The following PRR11 variants were observed in gnomAD, a reference collection of about 807,000 sequenced individuals.
PRR11 encodes proline-rich protein 11.
PRR11 carries 30 observed loss-of-function variants against 45.6 expected under a neutral mutation model. The observed-to-expected ratio is 0.66, with a 90% CI of 0.49 to 0.89. PRR11 has a LOEUF of 0.89. PRR11 is among the 40% of genes least tolerant of loss of function. The probability of loss-of-function intolerance (pLI) is 0.00; values close to 1 mark genes in which losing one functional copy is unlikely to be tolerated. For synonymous variants in PRR11, 128 were observed against 153.5 expected, an observed-to-expected ratio of 0.83 and a Z score of 1.23; for missense variants, 373 against 424.8, an observed-to-expected ratio of 0.88 and a Z score of 1.07.
At chr17:59,164,576 C>G (rs910864680) in intron 1 of PRR11, among the ~76,000 whole-genome samples, 1 of 152,024 alleles carries the variant, frequency 6.6e-6, no homozygotes, top group Non-Finnish European at 1.5e-5. Context: ...TAGGAAATTT[C>G]GGATTCTAGG....
At chr17:59,157,678 G>A (rs1362162640) in intron 1 of PRR11, among the ~76,000 whole-genome samples, 2 of 151,846 alleles carry the variant, frequency 1.3e-5, no homozygotes, top group African/African-American at 4.8e-5. Flanking sequence ...CTCCAGCCCG[G>A]GTGACAGAGC....
intron 1 of PRR11, among the ~76,000 whole-genome samples, chr17:59,159,117 G>T (rs1174656733): frequency 6.6e-6 from 1 of 152,098 alleles, no homozygotes; most frequent in Non-Finnish European, 1.5e-5. Flanking sequence ...ACCGCACCCA[G>T]CCTCCCACAC....
chr17:59,163,314 C>CTCAG (rs891573975), intron 1 of PRR11, among the ~76,000 whole-genome samples: 37 of 152,110 alleles, frequency 2.4e-4, no homozygotes, highest in Non-Finnish European at 4.7e-4. Context: ...AACTCGGGAC[C>CTCAG]TCAGGTGATC....
chr17:59,205,067 G>T lies in PRR11; in HGVS notation c.*3436G>T, dbSNP rs1390189982. Among the ~76,000 whole-genome samples the T allele has an allele frequency of 2.0e-5, 3 of 151,100 alleles. No individual in the cohort carries two copies. The highest frequency in any genetic ancestry group is 7.3e-5 in the African/African-American group (3 of 41,134). The stretch of plus-strand genomic sequence containing the variant: ...AAAAAATGCTTTGCTACATAATGAG[G>T]CCAGGCAAAAAAAAAAAAGTCCTGT... On this transcript the variant is annotated 3_prime_UTR_variant, in exon 10 of 10. Transcript: ENST00000262293.
At chr17:59,179,633 T>C (rs2046769705) in intron 2 of PRR11, 20 of 1,513,170 alleles carry the variant, frequency 1.3e-5, no homozygotes, top group Admixed American at 1.7e-5. Context: ...AGGTGCTCTC[T>C]GGGGTGTCCT....
chr17:59,201,783 C>A lies in PRR11; in HGVS notation c.*152C>A. On this transcript the variant is annotated 3_prime_UTR_variant, in exon 10 of 10. Coordinates refer to ENST00000262293, the MANE Select transcript of PRR11 (RefSeq NM_018304.4). ...GTCAGGAGTTTGAGACCAGCCTGGC[C>A]AACATGGTGAAACTCCTTCCCCACT... 1 of 708,928 alleles carries A rather than the reference C, an allele frequency of 1.4e-6. No individual in the cohort carries two copies. The highest frequency in any genetic ancestry group is 1.6e-5 in the South Asian group (1 of 62,598). The allele number at this position is 708,928 out of a possible 1,614,324, so 43.9% of individuals were successfully genotyped here.
chr17:59,184,227 C>A (rs956164164), intron 2 of PRR11, among the ~76,000 whole-genome samples: 1 of 152,090 alleles, frequency 6.6e-6, no homozygotes, highest in Non-Finnish European at 1.5e-5. Context: ...TTTGGGAGGC[C>A]AAAGGAAGTG....
intron 2 of PRR11, among the ~76,000 whole-genome samples, chr17:59,182,438 CTG>C (rs945764574): frequency 4.9e-5 from 7 of 142,052 alleles, no homozygotes; most frequent in Non-Finnish European, 9.0e-5. Context: ...CTCACCCAGA[CTG>C]GAGTGCGGTA....
chr17:59,158,382 C>G lies in PRR11; in HGVS notation c.-6+2577C>G, dbSNP rs1360500054. 2.6e-5 allele frequency among the ~76,000 whole-genome samples: 4 copies of G among 152,156 alleles called. No individual in the cohort carries two copies. In the East Asian group the frequency reaches 7.7e-4, roughly 29 times the overall value. On this transcript the variant is annotated intron_variant, in intron 1 of 9. Transcript: ENST00000262293. ...ACAATTGGGGCAATCCGAATATGGGCTGTTTATTAGATCATTTCATAACAA... is the reference window on the plus strand; with the variant it reads ...ACAATTGGGGCAATCCGAATATGGGGTGTTTATTAGATCATTTCATAACAA...
At chr17:59,161,260 A>G (rs894333427) in intron 1 of PRR11, among the ~76,000 whole-genome samples, 2 of 152,076 alleles carry the variant, frequency 1.3e-5, no homozygotes, top group African/African-American at 4.8e-5. Context: ...TACAAAAATT[A>G]GCTGGGCGTG....
At chr17:59,164,192 G>T (rs927045089) in intron 1 of PRR11, among the ~76,000 whole-genome samples, 5 of 152,316 alleles carry the variant, frequency 3.3e-5, no homozygotes, top group African/African-American at 1.2e-4. Context: ...TGGCAGGGTT[G>T]AGCAGTTGCA....
At chr17:59,166,360 C>T (rs546924664) in intron 1 of PRR11, among the ~76,000 whole-genome samples, 1 of 152,290 alleles carries the variant, frequency 6.6e-6, no homozygotes, top group South Asian at 2.1e-4. Context: ...GTAGCAACAA[C>T]TAAAAGCAGC....
At chr17:59,185,696 GTT>G in intron 4 of PRR11, 134 bp downstream of exon 4, 1 of 796,056 alleles carries the variant, frequency 1.3e-6, no homozygotes, top group South Asian at 1.9e-5. Context: ...AGTTTTCTTT[GTT>G]AGCAAGGAAT....
intron 2 of PRR11, among the ~76,000 whole-genome samples, chr17:59,171,003 T>C (rs1165324061): frequency 6.6e-6 from 1 of 152,140 alleles, no homozygotes; most frequent in East Asian, 1.9e-4. Flanking sequence ...CTCATGCCCG[T>C]AATCCTAGCA....
chr17:59,185,496 T>C lies in PRR11; in HGVS notation c.336T>C (p.Leu112=). The change falls in exon 4 of 10, where the codon CTT becomes CTC. Residue 112 remains leucine, a synonymous_variant. Coordinates refer to ENST00000262293, the MANE Select transcript of PRR11 (RefSeq NM_018304.4). Reference sequence around the variant, plus strand: ...CATCTCGTATCTGCCACCGAGAACTTTACAGTGTAAAACAACAGTTTTGCA... The same window carrying C: ...CATCTCGTATCTGCCACCGAGAACTCTACAGTGTAAAACAACAGTTTTGCA... ...IFPSRICHRE[L]YSVKQQFCIL... 6.2e-7 allele frequency: 1 copy of C among 1,611,548 alleles called. No individual in the cohort carries two copies. Among genetic ancestry groups the C allele is most frequent in the Non-Finnish European group, 8.5e-7 (1 of 1,178,954 alleles).
chr17:59,162,213 GACAC>G (rs58983044), intron 1 of PRR11, among the ~76,000 whole-genome samples: 18,109 of 139,386 alleles, frequency 0.13, 1,153 homozygotes, highest in South Asian at 0.25. Flanking sequence ...ACCCAAGTCA[GACAC>G]ACACACACAC....
intron 4 of PRR11, among the ~76,000 whole-genome samples, chr17:59,192,381 C>T (rs1025337023): frequency 6.6e-6 from 1 of 152,180 alleles, no homozygotes; most frequent in African/African-American, 2.4e-5. Flanking sequence ...TTTCAACCAC[C>T]AAGTTTGGGA....
intron 2 of PRR11, among the ~76,000 whole-genome samples, chr17:59,170,297 CAATG>C (rs1454698332): frequency 6.6e-6 from 1 of 151,812 alleles, no homozygotes; most frequent in Non-Finnish European, 1.5e-5. Flanking sequence ...TTCAGATAAA[CAATG>C]AATAATTTTT....
At chr17:59,186,452 G>A (rs1051379287) in intron 4 of PRR11, among the ~76,000 whole-genome samples, 2 of 127,666 alleles carry the variant, frequency 1.6e-5, no homozygotes, top group African/African-American at 5.9e-5. Flanking sequence ...CTAGAGTGCA[G>A]TGGCATGATC....
Sources: allele counts gnomAD v4.1 joint callset (sites outside exome capture counted in the v4.1 genomes callset), GRCh38; gene constraint gnomAD v4.1.1; transcripts MANE v1.5; gene names NCBI Gene and HGNC (gene_info 2026-07-23, HGNC 2026-07-21).